The following ANKH variants were observed in gnomAD, a reference collection of about 807,000 sequenced individuals.
ANKH encodes the protein mineralization regulator ANKH.
In ANKH, 15 loss-of-function variants were observed where a neutral mutation model predicts 49.0. The observed-to-expected ratio is 0.31, with a 90% confidence interval of 0.20 to 0.47. The LOEUF (loss-of-function observed/expected upper bound fraction) is 0.47. Ranked by LOEUF, ANKH falls within the 20% of genes least tolerant of loss-of-function variation. The probability of loss-of-function intolerance (pLI) is 1.00; values close to 1 mark genes in which losing one functional copy is unlikely to be tolerated. For synonymous variants in ANKH, 273 were observed against 260.0 expected (o/e 1.05, Z -0.48); for missense variants, 429 against 652.0 (o/e 0.66, Z 3.72).
chr5:14,751,688 T>C (rs1347375473), intron 4 of ANKH, among the ~76,000 whole-genome samples: 1 of 151,926 alleles, frequency 6.6e-6, no homozygotes, highest in Non-Finnish European at 1.5e-5. Context: ...TAGTAAAATT[T>C]GAAAAACAAA....
chr5:14,759,031 G>A (rs1738990169), intron 2 of ANKH, among the ~76,000 whole-genome samples: 1 of 152,206 alleles, frequency 6.6e-6, no homozygotes, highest in South Asian at 2.1e-4. Flanking sequence ...AGAAAAGAAT[G>A]CTTGGTGGCT....
chr5:14,794,392 ACGTGG>A (rs1336887636), intron 1 of ANKH, among the ~76,000 whole-genome samples: 1 of 152,236 alleles, frequency 6.6e-6, no homozygotes, highest in Non-Finnish European at 1.5e-5. Context: ...CTGGCCGTGA[ACGTGG>A]GCTAAAGACA....
At chr5:14,769,502 A>G (rs1330566729) in intron 1 of ANKH, among the ~76,000 whole-genome samples, 2 of 145,682 alleles carry the variant, frequency 1.4e-5, no homozygotes, top group Non-Finnish European at 2.9e-5. Flanking sequence ...GATTTTTTTA[A>G]AAAAACAAAA....
intron 2 of ANKH, among the ~76,000 whole-genome samples, chr5:14,767,697 T>G (rs2126509499): frequency 6.6e-6 from 1 of 152,304 alleles, no homozygotes; most frequent in Admixed American, 6.5e-5. Flanking sequence ...GGATTATTTA[T>G]AAGTCCAAGT....
At chr5:14,869,143 TCTC>T (rs1735744236) in intron 1 of ANKH, 2 of 152,216 alleles carry the variant, frequency 1.3e-5, no homozygotes, top group South Asian at 2.1e-4. Context: ...CTGGTTCATT[TCTC>T]CTCCTCTTTA....
Position 14,741,859 on chromosome 5 carries a change from ACTT to A in ANKH, c.976_978del (p.Lys326del). 4 of 1,614,104 alleles carry A rather than the reference ACTT, an allele frequency of 2.5e-6. No individual in the cohort carries two copies. The highest frequency in any genetic ancestry group is 2.5e-6 in the Non-Finnish European group (3 of 1,180,002). On this transcript the variant is annotated inframe_deletion, in exon 8 of 12. Transcript: ENST00000284268. Reference sequence around the variant, plus strand: ...GACAGAGCCATGCAGACGAAGGTGAACTTCTTGATGTGGGCTGCCGTGACTGTG... The same window carrying A: ...GACAGAGCCATGCAGACGAAGGTGAACTTGATGTGGGCTGCCGTGACTGTG...
intron 1 of ANKH, among the ~76,000 whole-genome samples, chr5:14,782,312 C>T (rs1477474098): frequency 6.6e-6 from 1 of 152,084 alleles, no homozygotes; most frequent in Non-Finnish European, 1.5e-5. Context: ...CCTGACAACA[C>T]TGTGAGGGAG....
intron 1 of ANKH, among the ~76,000 whole-genome samples, chr5:14,813,885 A>C (rs939399911): frequency 6.6e-6 from 1 of 152,148 alleles, no homozygotes; most frequent in African/African-American, 2.4e-5. Flanking sequence ...ATATTCTTCC[A>C]GCTTCCTCTC....
intron 1 of ANKH, among the ~76,000 whole-genome samples, chr5:14,773,896 A>G (rs1478205153): frequency 6.6e-6 from 1 of 152,216 alleles, no homozygotes; most frequent in South Asian, 2.1e-4. Flanking sequence ...TACATGAACT[A>G]ATTTTTAAAG....
chr5:14,770,494 TAAC>T lies in ANKH; in HGVS notation c.97-1306_97-1304del, dbSNP rs1156646288. On this transcript the variant is annotated intron_variant, in intron 1 of 11. Transcript: ENST00000284268. The surrounding 1 kb of genome is among the most constrained non-coding windows in gnomAD (Gnocchi z 4.1). ...TTATAAATTAGGCACAGTAAGAGATTAACAACAATAATAATCAAACAGAATAAT... is the reference window on the plus strand; with the variant it reads ...TTATAAATTAGGCACAGTAAGAGATTAACAATAATAATCAAACAGAATAAT... 1.3e-5 allele frequency among the ~76,000 whole-genome samples: 2 copies of T among 152,134 alleles called. No individual in the cohort carries two copies. Among genetic ancestry groups the T allele is most frequent in the Admixed American group, 6.5e-5 (1 of 15,278 alleles).
At chr5:14,859,486 A>G (rs1316995317) in intron 1 of ANKH, among the ~76,000 whole-genome samples, 4 of 152,218 alleles carry the variant, frequency 2.6e-5, no homozygotes, top group African/African-American at 9.6e-5. Context: ...TAAGATGTGT[A>G]CCATTGGAAA....
chr5:14,772,090 A>G (rs1379163887), intron 1 of ANKH, among the ~76,000 whole-genome samples: 1 of 152,164 alleles, frequency 6.6e-6, no homozygotes, highest in Non-Finnish European at 1.5e-5. Flanking sequence ...ATTTCATGTT[A>G]CACTTCAAGT....
chr5:14,811,443 A>G (rs2126574119), intron 1 of ANKH, among the ~76,000 whole-genome samples: 1 of 152,318 alleles, frequency 6.6e-6, no homozygotes, highest in South Asian at 2.1e-4. Context: ...GATTGCTGGT[A>G]TCAGCTAATA....
chr5:14,746,627 C>T (rs1222893316), intron 6 of ANKH, among the ~76,000 whole-genome samples: 1 of 152,186 alleles, frequency 6.6e-6, no homozygotes. Context: ...GTTAGTCCTA[C>T]AAAGGCAATC....
At chr5:14,730,532 G>C (rs1436576476) in intron 8 of ANKH, among the ~76,000 whole-genome samples, 2 of 152,118 alleles carry the variant, frequency 1.3e-5, no homozygotes, top group Non-Finnish European at 2.9e-5. Flanking sequence ...TGTGGAAGTG[G>C]GTACTGGGGA....
At chr5:14,786,743 TG>T (rs1739988748) in intron 1 of ANKH, among the ~76,000 whole-genome samples, 1 of 152,218 alleles carries the variant, frequency 6.6e-6, no homozygotes, top group Admixed American at 6.5e-5. Flanking sequence ...GCTATAATTG[TG>T]TGGAAAAGGA....
At chr5:14,761,629 C>T (rs146627483) in intron 2 of ANKH, among the ~76,000 whole-genome samples, 3 of 152,028 alleles carry the variant, frequency 2.0e-5, no homozygotes, top group Non-Finnish European at 2.9e-5. Flanking sequence ...TTGCTATGTG[C>T]GCTCCAGATG....
chr5:14,871,039 T>C, intron 1 of ANKH: 1 of 452,238 alleles, frequency 2.2e-6, no homozygotes, highest in South Asian at 1.8e-5. Context: ...TACATTTTAA[T>C]TAGAGCTGAG....
intron 8 of ANKH, 119 bp from the exon 9 acceptor site, chr5:14,716,954 G>T: frequency 7.6e-7 from 1 of 1,320,446 alleles, no homozygotes; most frequent in Non-Finnish European, 1.1e-6. Context: ...GCCTGACTGG[G>T]TGGTGGGCAT....
Sources: allele counts gnomAD v4.1 joint callset (sites outside exome capture counted in the v4.1 genomes callset), GRCh38; gene constraint gnomAD v4.1.1; non-coding constraint Gnocchi (gnomAD v3.1); transcripts MANE v1.5; gene names NCBI Gene and HGNC (gene_info 2026-07-23, HGNC 2026-07-21).